Variants in ZNF148 observed in about 807,000 individuals in gnomAD.
ZNF148 encodes zinc finger protein 148.
A neutral mutation model predicts 67.7 loss-of-function variants in ZNF148; 7 were observed. That is an observed-to-expected ratio of 0.10 (90% CI 0.06 to 0.19). The LOEUF (loss-of-function observed/expected upper bound fraction) is 0.19, where lower values mean the gene tolerates loss of function less well. Among genes scored for constraint, ZNF148 ranks in the 10% least tolerant of loss-of-function variants. The pLI is 1.00. For synonymous variants in ZNF148, 333 were observed against 330.7 expected (o/e 1.01, Z -0.08); for missense variants, 583 against 947.1 (o/e 0.62, Z 5.05).
chr3:125,267,387 T>G (rs1937557882), intron 7 of ZNF148, among the ~76,000 whole-genome samples: 1 of 152,128 alleles, frequency 6.6e-6, no homozygotes, highest in African/African-American at 2.4e-5. Context: ...CAAGTATGCT[T>G]TATTCCCGGG....
At chr3:125,345,313 A>C (rs560634230) in intron 1 of ZNF148, among the ~76,000 whole-genome samples, 2 of 152,342 alleles carry the variant, frequency 1.3e-5, no homozygotes, top group Non-Finnish European at 2.9e-5. Context: ...CAGAAGTCTC[A>C]AAATTTTTAA....
At chr3:125,249,096 G>A (rs543483407) in intron 7 of ZNF148, among the ~76,000 whole-genome samples, 1 of 152,188 alleles carries the variant, frequency 6.6e-6, no homozygotes, top group Non-Finnish European at 1.5e-5. Flanking sequence ...AAGCATGGGA[G>A]AAAGCTCCTT....
chr3:125,269,180 C>A (rs1050932260), intron 7 of ZNF148, among the ~76,000 whole-genome samples: 20 of 106,372 alleles, frequency 1.9e-4, no homozygotes, highest in African/African-American at 6.4e-4. Flanking sequence ...CCAGCCTGGG[C>A]AACATGGTGA....
Position 125,279,699 on chromosome 3 carries a change from C to G in ZNF148, c.460-452G>C, listed in dbSNP as rs551511132. ...ATTATGTGGTTGTGAAATAAAATGA[C>G]AAAGCTCTCTATATACTTATATGAA... On this transcript the variant is annotated intron_variant, in intron 5 of 8. Transcript: ENST00000360647. 1.4e-4 allele frequency among the ~76,000 whole-genome samples: 21 copies of G among 147,306 alleles called. No homozygotes were observed. The South Asian group carries it at 4.5e-3, about 31-fold the overall frequency.
chr3:125,311,764 G>A (rs1453522502), intron 4 of ZNF148, among the ~76,000 whole-genome samples: 4 of 151,900 alleles, frequency 2.6e-5, no homozygotes, highest in Non-Finnish European at 4.4e-5. Context: ...TCAAAGAGAG[G>A]ACATCACTAT....
intron 1 of ZNF148, chr3:125,344,797 T>C (rs1337557549): frequency 2.3e-6 from 1 of 439,914 alleles, no homozygotes; most frequent in Non-Finnish European, 4.3e-6. Flanking sequence ...TAATCCATCA[T>C]GTTTTAGCAG....
chr3:125,264,009 C>T (rs924028433), intron 7 of ZNF148, among the ~76,000 whole-genome samples: 1 of 152,246 alleles, frequency 6.6e-6, no homozygotes, highest in Non-Finnish European at 1.5e-5. Context: ...TAATGAGGTT[C>T]TGAGAGCTTC....
At chr3:125,328,613 C>T (rs1477350190) in intron 2 of ZNF148, among the ~76,000 whole-genome samples, 2 of 151,234 alleles carry the variant, frequency 1.3e-5, no homozygotes, top group Non-Finnish European at 2.9e-5. Context: ...ACATTATACC[C>T]TCATAAGTAT....
intron 1 of ZNF148, among the ~76,000 whole-genome samples, chr3:125,359,294 G>A (rs538446405): frequency 6.6e-6 from 1 of 152,200 alleles, no homozygotes; most frequent in African/African-American, 2.4e-5. Context: ...CTAAATCCTG[G>A]AACTAATCCT....
chr3:125,278,135 C>A (rs991792296), intron 6 of ZNF148, among the ~76,000 whole-genome samples: 3 of 152,118 alleles, frequency 2.0e-5, no homozygotes, highest in Non-Finnish European at 4.4e-5. Flanking sequence ...GTGTCCTAAA[C>A]ATCTTTTCTT....
chr3:125,371,880 C>T (rs374627602), intron 1 of ZNF148, among the ~76,000 whole-genome samples: 86 of 151,476 alleles, frequency 5.7e-4, no homozygotes, highest in African/African-American at 1.9e-3. Context: ...CTGGCTAACA[C>T]GGTGAAACCC....
intron 7 of ZNF148, among the ~76,000 whole-genome samples, chr3:125,252,888 ATC>A (rs1162652320): frequency 1.3e-5 from 2 of 152,096 alleles, no homozygotes; most frequent in South Asian, 2.1e-4. Context: ...GGAGCAACTG[ATC>A]TCTGTTTCTC....
chr3:125,256,485 T>C (rs1937083974), intron 7 of ZNF148, among the ~76,000 whole-genome samples: 1 of 151,762 alleles, frequency 6.6e-6, no homozygotes, highest in African/African-American at 2.4e-5. Flanking sequence ...AAGACCAACC[T>C]GGCCAATATG....
intron 4 of ZNF148, among the ~76,000 whole-genome samples, chr3:125,298,343 G>GCACACACA (rs1443914103): frequency 3.2e-5 from 1 of 31,442 alleles, no homozygotes; most frequent in Non-Finnish European, 6.0e-5. Context: ...TTATAAATGT[G>GCACACACA]CATACACACA....
At chr3:125,268,343 T>G (rs1402744162) in intron 7 of ZNF148, among the ~76,000 whole-genome samples, 1 of 149,674 alleles carries the variant, frequency 6.7e-6, no homozygotes, top group Non-Finnish European at 1.5e-5. Flanking sequence ...AACAGCATGG[T>G]ACTGGTACAA....
chr3:125,334,644 G>A (rs943835292), intron 1 of ZNF148, among the ~76,000 whole-genome samples: 6 of 152,060 alleles, frequency 3.9e-5, no homozygotes, highest in Non-Finnish European at 7.4e-5. Flanking sequence ...AGATAGTATT[G>A]TTATTATTCA....
At position 125,232,019 on chromosome 3, in the gene ZNF148, T is replaced by C. The variant is rs957610098; in HGVS notation, c.*322A>G. The C allele has an allele frequency of 4.6e-6, 1 of 215,340 alleles. No individual in the cohort carries two copies. Among genetic ancestry groups the C allele is most frequent in the Non-Finnish European group, 9.3e-6 (1 of 107,410 alleles). 13.3% of individuals were successfully genotyped at this position (215,340 alleles called of 1,614,324 possible). ...CACACAATTACTAATCTCCTAAGAA[T>C]GTACAATGTTATCAGTTAGGAAACA... On this transcript the variant is annotated 3_prime_UTR_variant, in exon 9 of 9. Coordinates refer to ENST00000360647, the MANE Select transcript of ZNF148 (RefSeq NM_021964.3). This position sits in a 1 kb window ranked among gnomAD's most constrained non-coding sequence, Gnocchi z 4.2.
intron 7 of ZNF148, among the ~76,000 whole-genome samples, chr3:125,274,698 T>C (rs560393365): frequency 6.6e-6 from 1 of 152,296 alleles, no homozygotes; most frequent in East Asian, 1.9e-4. Flanking sequence ...GAGAATGGGC[T>C]TGGAGGCCTG....
chr3:125,375,233 C>T lies in ZNF148; in HGVS notation c.-365G>A, dbSNP rs1013311157. 2 of 154,416 alleles carry T rather than the reference C, an allele frequency of 1.3e-5. No homozygotes were observed. Among genetic ancestry groups the T allele is most frequent in the African/African-American group, 4.8e-5 (2 of 41,474 alleles). 9.6% of individuals were successfully genotyped at this position (154,416 alleles called of 1,614,324 possible). A position where few individuals can be genotyped will look rare whatever the true frequency, so the allele number is the denominator to read the frequency against. On this transcript the variant is annotated 5_prime_UTR_variant, in exon 1 of 9. Coordinates refer to ENST00000360647, the MANE Select transcript of ZNF148 (RefSeq NM_021964.3). ...CTGTGGCAGCTTCGGCAACAGCTCC[C>T]ACCCCTGCGCCTTTCTCCTCTTCCT...
Sources: allele counts gnomAD v4.1 joint callset (sites outside exome capture counted in the v4.1 genomes callset), GRCh38; gene constraint gnomAD v4.1.1; non-coding constraint Gnocchi (gnomAD v3.1); transcripts MANE v1.5; gene names NCBI Gene and HGNC (gene_info 2026-07-23, HGNC 2026-07-21).